GULP1: variants seen among roughly 807,000 people sequenced by gnomAD.
GULP1 encodes the protein PTB domain-containing engulfment adapter protein 1.
A neutral mutation model predicts 40.9 loss-of-function variants in GULP1; 19 were observed. The observed-to-expected ratio is 0.46, with a 90% CI of 0.32 to 0.68. The LOEUF (loss-of-function observed/expected upper bound fraction) is 0.68. Among genes scored for constraint, GULP1 ranks in the 30% least tolerant of loss-of-function variants. The pLI is 0.03. For synonymous variants in GULP1, 119 were observed against 117.6 expected (o/e 1.01, Z -0.08); for missense variants, 312 against 362.2 (o/e 0.86, Z 1.12).
chr2:188,502,921 C>T (rs1250534034), intron 4 of GULP1, among the ~76,000 whole-genome samples: 1 of 151,862 alleles, frequency 6.6e-6, no homozygotes, highest in African/African-American at 2.4e-5. Flanking sequence ...GCATCTTGAA[C>T]TCTGTGTGCT....
intron 2 of GULP1, among the ~76,000 whole-genome samples, chr2:188,424,628 C>T (rs1053844461): frequency 6.6e-6 from 1 of 151,776 alleles, no homozygotes; most frequent in Non-Finnish European, 1.5e-5. Flanking sequence ...TTCAAATTCC[C>T]AATTGTCTCA....
chr2:188,294,500 T>C (rs2034491754), intron 1 of GULP1: 1 of 151,990 alleles, frequency 6.6e-6, no homozygotes, highest in African/African-American at 2.4e-5. Context: ...CTTTGTGTAT[T>C]AAAGTTGTGT....
chr2:188,536,673 T>C (rs753855730), intron 6 of GULP1, among the ~76,000 whole-genome samples: 1 of 152,304 alleles, frequency 6.6e-6, no homozygotes, highest in South Asian at 2.1e-4. Flanking sequence ...AGGCCCTTTT[T>C]TGGTTTCATA....
intron 2 of GULP1, among the ~76,000 whole-genome samples, chr2:188,462,769 A>G (rs574508727): frequency 1.3e-5 from 2 of 151,796 alleles, no homozygotes; most frequent in South Asian, 4.2e-4. Context: ...TATTTTTTGT[A>G]TATTCATTAT....
chr2:188,561,133 A>G (rs1263718224), intron 7 of GULP1, among the ~76,000 whole-genome samples: 2 of 152,150 alleles, frequency 1.3e-5, no homozygotes, highest in African/African-American at 4.8e-5. Context: ...CTGGGACGTT[A>G]AGCATGTCAC....
chr2:188,320,715 T>G (rs2039843690), intron 1 of GULP1, among the ~76,000 whole-genome samples: 1 of 152,124 alleles, frequency 6.6e-6, no homozygotes, highest in South Asian at 2.1e-4. Flanking sequence ...ACATAATCCT[T>G]CAACATTCAT....
chr2:188,543,033 T>G (rs981067803), intron 7 of GULP1, among the ~76,000 whole-genome samples: 1 of 152,128 alleles, frequency 6.6e-6, no homozygotes, highest in Non-Finnish European at 1.5e-5. Flanking sequence ...CTATCCAAAT[T>G]TGTTAAATTA....
chr2:188,325,416 A>G (rs982698869), intron 1 of GULP1, among the ~76,000 whole-genome samples: 25 of 152,234 alleles, frequency 1.6e-4, no homozygotes, highest in African/African-American at 6.0e-4. Flanking sequence ...TGTTAAGTCT[A>G]GCCAACTAGA....
chr2:188,577,257 T>G (rs1440137260), intron 9 of GULP1, among the ~76,000 whole-genome samples: 1 of 152,112 alleles, frequency 6.6e-6, no homozygotes, highest in Non-Finnish European at 1.5e-5. Context: ...CTGATTAGAC[T>G]TGATAGGACA....
At chr2:188,418,021 C>G (rs1364058649) in intron 2 of GULP1, among the ~76,000 whole-genome samples, 1 of 151,636 alleles carries the variant, frequency 6.6e-6, no homozygotes, top group African/African-American at 2.4e-5. Flanking sequence ...GCTATGTTAT[C>G]TGGCCACGTC....
intron 1 of GULP1, among the ~76,000 whole-genome samples, chr2:188,363,218 G>A (rs2046324175): frequency 6.6e-6 from 1 of 151,896 alleles, no homozygotes; most frequent in Non-Finnish European, 1.5e-5. Context: ...AACTTTGAGG[G>A]TTCATTTTTA....
intron 2 of GULP1, among the ~76,000 whole-genome samples, chr2:188,446,122 AT>A (rs1484993929): frequency 6.6e-6 from 1 of 152,108 alleles, no homozygotes; most frequent in African/African-American, 2.4e-5. Context: ...CAGGAGACCA[AT>A]TTTTGCTTGG....
chr2:188,563,588 C>CTAAATATTTGGCCCACATATTTGGAAT lies in GULP1; in HGVS notation c.400-5635_400-5609dup, dbSNP rs1423471768. Among the ~76,000 whole-genome samples the CTAAATATTTGGCCCACATATTTGGAAT allele has an allele frequency of 2.3e-3, 339 of 150,544 alleles. 1 individual carries two copies. The highest frequency in any genetic ancestry group is 7.8e-3 in the African/African-American group (321 of 41,210). ...TTATATTTTTAAAAAAGATTCGGAA[C>CTAAATATTTGGCCCACATATTTGGAAT]TAAATATTTGGCCCACATATTTGGA... On this transcript the variant is annotated intron_variant, in intron 7 of 11. Coordinates refer to ENST00000409830, the MANE Select transcript of GULP1 (RefSeq NM_016315.4).
chr2:188,580,820 TA>T (rs1701162692), intron 9 of GULP1, among the ~76,000 whole-genome samples: 1 of 152,178 alleles, frequency 6.6e-6, no homozygotes, highest in South Asian at 2.1e-4. Flanking sequence ...CCTTTTACAA[TA>T]AAGTTTATCA....
At chr2:188,485,088 T>G (rs2061750767) in intron 4 of GULP1, among the ~76,000 whole-genome samples, 2 of 152,166 alleles carry the variant, frequency 1.3e-5, no homozygotes, top group African/African-American at 4.8e-5. Context: ...AAATGCATGC[T>G]CAATTTTTTA....
At chr2:188,577,755 C>T (rs1367018767) in intron 9 of GULP1, among the ~76,000 whole-genome samples, 7 of 152,050 alleles carry the variant, frequency 4.6e-5, no homozygotes, top group African/African-American at 1.4e-4. Flanking sequence ...TCTGAAAAAA[C>T]ACAGATCTTC....
rs2049322323 is a variant in GULP1, at chr2:188,383,897, T to A, written c.-45+8T>A. The A allele has an allele frequency of 6.6e-6, 1 of 152,172 alleles. No individual in the cohort carries two copies. The highest frequency in any genetic ancestry group is 1.5e-5 in the Non-Finnish European group (1 of 68,010). The allele number at this position is 152,172 out of a possible 1,614,324, so 9.4% of individuals were successfully genotyped here. On this transcript the variant is annotated splice_region_variant and intron_variant, in intron 2 of 11. Coordinates refer to ENST00000409830, the MANE Select transcript of GULP1 (RefSeq NM_016315.4). ...ATATTTGAGCATACCCAGGTAAGAATAAATGATTGTTTATACATTTTCCAT... is the reference window on the plus strand; with the variant it reads ...ATATTTGAGCATACCCAGGTAAGAAAAAATGATTGTTTATACATTTTCCAT...
intron 4 of GULP1, among the ~76,000 whole-genome samples, chr2:188,516,514 T>G (rs940261734): frequency 1.3e-5 from 2 of 152,124 alleles, no homozygotes; most frequent in Admixed American, 1.3e-4. Flanking sequence ...AATCTGAAAA[T>G]TTATACCTTT....
At position 188,383,766 on chromosome 2, in the gene GULP1, T is replaced by C. The variant is rs1201629146; in HGVS notation, c.-168T>C. On this transcript the variant is annotated 5_prime_UTR_variant, in exon 2 of 12. Transcript: ENST00000409830. ...CCAATTATATTTTTCTTTTTAGTTA[T>C]TTATGATTCCATCTGATATACATAG... 2.0e-5 allele frequency: 3 copies of C among 152,174 alleles called. No individual in the cohort carries two copies. Among genetic ancestry groups the C allele is most frequent in the African/African-American group, 7.2e-5 (3 of 41,458 alleles). The allele number at this position is 152,174 out of a possible 1,614,324, so 9.4% of individuals were successfully genotyped here.
Sources: gnomAD v4.1 joint callset for allele counts (sites outside exome capture counted in the v4.1 genomes callset) on GRCh38, gnomAD v4.1.1 for gene constraint, MANE v1.5 for transcripts, NCBI Gene and HGNC (gene_info 2026-07-23, HGNC 2026-07-21) for gene names.